Variants in APC2 observed in about 807,000 individuals in gnomAD.
APC2 encodes the protein adenomatous polyposis coli protein 2.
Under a neutral mutation model 72.5 loss-of-function variants are expected in APC2, and 41 were observed. The observed-to-expected ratio is 0.57, with a 90% confidence interval of 0.44 to 0.73. The LOEUF is 0.73. Ranked by LOEUF, APC2 falls within the 30% of genes least tolerant of loss-of-function variation. APC2 has a pLI of 0.00. For missense variants in APC2, 3,729 were observed against 3,403.4 expected (o/e 1.10, Z -2.38); for synonymous variants, 1,898 against 1,612.0 (o/e 1.18, Z -4.25).
Position 1,469,983 on chromosome 19 carries a change from A to G in APC2, c.6682A>G (p.Ser2228Gly), listed in dbSNP as rs1457736785. 6.6e-7 allele frequency: 1 copy of G among 1,526,600 alleles called. No homozygotes were observed. The highest frequency in any genetic ancestry group is 8.8e-7 in the Non-Finnish European group (1 of 1,142,204). The allele number at this position is 1,526,600 out of a possible 1,614,324, so 94.6% of individuals were successfully genotyped here. A position where few individuals can be genotyped will look rare whatever the true frequency, so the allele number is the denominator to read the frequency against. ...PAGGQLSLLG[S>G]DVDGPSLAKA... is the part of the protein sequence containing the mutation. ...CGGCGGCCAGCTCTCCCTCCTCGGC[A>G]GCGACGTGGACGGTCCCAGCCTCGC... Residue 2228 changes from serine (S) to glycine (G), a missense_variant, in exon 15 of 15, where the codon AGC becomes GGC. Transcript: ENST00000590469.
Position 1,469,297 on chromosome 19 carries a change from A to T in APC2, c.5996A>T (p.Lys1999Met). The change falls in exon 15 of 15, where the codon AAG becomes ATG. Residue 1999 changes from lysine (K) to methionine (M), a missense_variant. Lys to Met is a moderately conservative substitution (Grantham distance 95). Coordinates refer to ENST00000590469, the MANE Select transcript of APC2 (RefSeq NM_005883.3). ...TTCCGGCGACAGCTAACCTTCATCA[A>T]GGAGTCGCCGGGCTTGCGGCGCCGC... ...SGFRRQLTFI[K>M]ESPGLRRRRS... 2 of 1,419,132 alleles carry T rather than the reference A, an allele frequency of 1.4e-6. No homozygotes were observed. Among genetic ancestry groups the T allele is most frequent in the Non-Finnish European group, 1.8e-6 (2 of 1,083,564 alleles). 87.9% of individuals were successfully genotyped at this position (1,419,132 alleles called of 1,614,324 possible).
intron 14 of APC2, 79 bp from the exon 15 acceptor site, chr19:1,465,076 G>C: frequency 6.7e-7 from 1 of 1,493,400 alleles, no homozygotes; most frequent in South Asian, 1.3e-5. Flanking sequence ...ACTTTTACCT[G>C]CCACATCTGG....
Position 1,456,416 on chromosome 19 carries a change from G to T in APC2, c.816+12G>T, listed in dbSNP as rs1347500718. On this transcript the variant is annotated intron_variant, in intron 8 of 14. Transcript: ENST00000590469. ...CGGGCAACAGCAAGGTGAGGGGGAG[G>T]GTGAAACGGGGGCTGGCGCAGCTGT... 1.9e-6 allele frequency: 3 copies of T among 1,585,664 alleles called. No homozygotes were observed. Among genetic ancestry groups the T allele is most frequent in the East Asian group, 2.3e-5 (1 of 43,506 alleles).
chr19:1,469,774 T>C lies in APC2; in HGVS notation c.6473T>C (p.Leu2158Pro), dbSNP rs2084100752. 2.7e-6 allele frequency: 4 copies of C among 1,505,064 alleles called. No individual in the cohort carries two copies. Among genetic ancestry groups the C allele is most frequent in the Admixed American group, 2.1e-5 (1 of 47,884 alleles). 93.2% of individuals were successfully genotyped at this position (1,505,064 alleles called of 1,614,324 possible). Reference protein sequence around the residue: ...RIRDEDVPHILRSTLPATALP... With the variant: ...RIRDEDVPHIPRSTLPATALP... ...CGAGATGAGGACGTGCCCCACATCC[T>C]GCGCAGCACGCTTCCCGCCACGGCC... The change falls in exon 15 of 15, where the codon CTG becomes CCG. Residue 2158 changes from leucine to proline, a missense_variant. Coordinates refer to ENST00000590469, the MANE Select transcript of APC2 (RefSeq NM_005883.3).
Position 1,458,052 on chromosome 19 carries a change from A to G in APC2, c.1295A>G (p.Asn432Ser). The G allele has an allele frequency of 6.4e-7, 1 of 1,561,642 alleles. No individual in the cohort carries two copies. The highest frequency in any genetic ancestry group is 2.3e-5 in the East Asian group (1 of 42,752). ...GATGAGGAGTACCGCCGTGCCATGA[A>G]CGAGCTAGGTGAGTGTCCCAGGTCC... ...SFDEEYRRAM[N>S]ELGGLQAVAE... The change falls in exon 10 of 15, where the codon AAC becomes AGC. Residue 432 changes from asparagine to serine, a missense_variant. Asn to Ser is a conservative substitution (Grantham distance 46). Coordinates refer to ENST00000590469, the MANE Select transcript of APC2 (RefSeq NM_005883.3).
chr19:1,465,696 C>A lies in APC2; in HGVS notation c.2395C>A (p.Pro799Thr). 6.3e-7 allele frequency: 1 copy of A among 1,587,958 alleles called. No individual in the cohort carries two copies. Among genetic ancestry groups the A allele is most frequent in the Non-Finnish European group, 8.6e-7 (1 of 1,169,146 alleles). ...CGCGGCCACCGGGGAGCCAGCCAGC[C>A]CTGCCGCGCTGTCCCTCTTCCTGGG... ...AAAATGEPAS[P>T]AALSLFLGSP... The change falls in exon 15 of 15, where the codon CCT (proline) becomes ACT (threonine). Residue 799 changes from proline to threonine, a missense_variant. Transcript: ENST00000590469.
At chr19:1,463,041 C>G (rs1036709019) in intron 14 of APC2, among the ~76,000 whole-genome samples, 1 of 151,798 alleles carries the variant, frequency 6.6e-6, no homozygotes, top group Non-Finnish European at 1.5e-5. Context: ...TTTGGGAGGC[C>G]GAGGTGGGCG....
At chr19:1,464,889 T>C (rs2083981377) in intron 14 of APC2, among the ~76,000 whole-genome samples, 1 of 151,268 alleles carries the variant, frequency 6.6e-6, no homozygotes, top group Non-Finnish European at 1.5e-5. Context: ...CCACTTGGCC[T>C]ACCAAAGTAC....
rs1204940896 is a variant in APC2, at chr19:1,470,280, C to CT, written c.*67_*68insT. 6.8e-7 allele frequency: 1 copy of CT among 1,479,392 alleles called. No individual in the cohort carries two copies. The highest frequency in any genetic ancestry group is 9.0e-7 in the Non-Finnish European group (1 of 1,116,654). The allele number at this position is 1,479,392 out of a possible 1,614,324, so 91.6% of individuals were successfully genotyped here. ...CGGCGCGGTCTGGCTGCCCCATGGG[C>CT]CTGCGCTGTAGACGTCCCCCATAGG... On this transcript the variant is annotated 3_prime_UTR_variant, in exon 15 of 15. Transcript: ENST00000590469.
At position 1,468,134 on chromosome 19, in the gene APC2, C is replaced by T. The variant is rs939171139; in HGVS notation, c.4833C>T (p.Gly1611=). ...GREPAVTKDP[G]PGGGRDSSPS... The stretch of plus-strand genomic sequence containing the variant: ...AGCCCGCGGTCACCAAGGACCCGGG[C>T]CCAGGAGGCGGACGCGACAGCTCGC... Residue 1611 remains glycine, a synonymous_variant, in exon 15 of 15, where the codon GGC becomes GGT. Transcript: ENST00000590469. 2.7e-6 allele frequency: 4 copies of T among 1,498,582 alleles called. No individual in the cohort carries two copies. Among genetic ancestry groups the T allele is most frequent in the African/African-American group, 2.9e-5 (2 of 68,604 alleles). 92.8% of individuals were successfully genotyped at this position (1,498,582 alleles called of 1,614,324 possible).
At position 1,468,992 on chromosome 19, in the gene APC2, T is replaced by C; in HGVS notation, c.5691T>C (p.Ala1897=). ...AGCGCCCCCCGGTCACCCAGGCTGC[T>C]GGGGCCCTGCCCGGCCCCGGAGCCT... ...PRKRPPVTQA[A]GALPGPGASP... Residue 1897 remains alanine, a synonymous_variant, in exon 15 of 15, where the codon GCT becomes GCC. Coordinates refer to ENST00000590469, the MANE Select transcript of APC2 (RefSeq NM_005883.3). The C allele has an allele frequency of 6.4e-7, 1 of 1,559,908 alleles. No homozygotes were observed. The highest frequency in any genetic ancestry group is 2.4e-5 in the East Asian group (1 of 41,292).
Position 1,461,857 on chromosome 19 carries a change from A to C in APC2, c.1639-106A>C, listed in dbSNP as rs559438329. Reference sequence around the variant, plus strand: ...AGAGAGTGAGATTCCGTCTCAAAAAAAAAAAACAAAAAACAAAAAAACCCA... The same window carrying C: ...AGAGAGTGAGATTCCGTCTCAAAAACAAAAAACAAAAAACAAAAAAACCCA... On this transcript the variant is annotated intron_variant, in intron 13 of 14. Transcript: ENST00000590469. 4.7e-4 allele frequency: 478 copies of C among 1,009,774 alleles called. 1 individual carries two copies. Among genetic ancestry groups the C allele is most frequent in the South Asian group, 8.4e-4 (50 of 59,438 alleles). 62.6% of individuals were successfully genotyped at this position (1,009,774 alleles called of 1,614,324 possible).
At position 1,455,370 on chromosome 19, in the gene APC2, C is replaced by T; in HGVS notation, c.523-14C>T. Reference sequence around the variant, plus strand: ...GGCGCCCCTCACCGTGGCCCGCCCGCCTGCCTTTGCCAGCAGTTCTCGATG... The same window carrying T: ...GGCGCCCCTCACCGTGGCCCGCCCGTCTGCCTTTGCCAGCAGTTCTCGATG... On this transcript the variant is annotated splice_polypyrimidine_tract_variant and intron_variant, in intron 5 of 14. Transcript: ENST00000590469. 5 of 1,605,890 alleles carry T rather than the reference C, an allele frequency of 3.1e-6. No homozygotes were observed. The highest frequency in any genetic ancestry group is 4.2e-6 in the Non-Finnish European group (5 of 1,176,706).
intron 10 of APC2, among the ~76,000 whole-genome samples, chr19:1,458,776 G>C (rs577808601): frequency 8.0e-4 from 121 of 152,062 alleles, no homozygotes; most frequent in African/African-American, 2.9e-3. Context: ...GAGTGCAGTG[G>C]TACAATCTCA....
chr19:1,467,765 CG>C lies in APC2; in HGVS notation c.4468del (p.Asp1490ThrfsTer90). 1 of 1,430,808 alleles carries C rather than the reference CG, an allele frequency of 7.0e-7. No individual in the cohort carries two copies. Among genetic ancestry groups the C allele is most frequent in the Non-Finnish European group, 9.1e-7 (1 of 1,098,342 alleles). 88.6% of individuals were successfully genotyped at this position (1,430,808 alleles called of 1,614,324 possible). A position where few individuals can be genotyped will look rare whatever the true frequency, so the allele number is the denominator to read the frequency against. ...ACGGCTCAAAGCCCGGCCGGACCCG[CG>C]GGGACGGGGCGCTCCAGTCGCTGTG... ...KDGSKPGRTRGDGALQSLCLT... is the reference protein window; with the variant it reads ...KDGSKPGRTRXDGALQSLCLT... On this transcript the variant is annotated frameshift_variant, in exon 15 of 15. Coordinates refer to ENST00000590469, the MANE Select transcript of APC2 (RefSeq NM_005883.3). LOFTEE classifies it low-confidence loss of function (END_TRUNC).
chr19:1,453,160 G>A lies in APC2; in HGVS notation c.141+18G>A, dbSNP rs565521837. 2.5e-6 allele frequency: 4 copies of A among 1,591,986 alleles called. No individual in the cohort carries two copies. Among genetic ancestry groups the A allele is most frequent in the East Asian group, 4.6e-5 (2 of 43,816 alleles). ...GCATGAAGGTGGGGGCCTACATGGA[G>A]GAGGTGGGCTAGGGTCCCGGGGTGG... On this transcript the variant is annotated intron_variant, in intron 2 of 14. Coordinates refer to ENST00000590469, the MANE Select transcript of APC2 (RefSeq NM_005883.3).
At chr19:1,464,234 A>G (rs1219655335) in intron 14 of APC2, among the ~76,000 whole-genome samples, 2 of 152,094 alleles carry the variant, frequency 1.3e-5, no homozygotes, top group African/African-American at 4.8e-5. Context: ...GCTTGAACCC[A>G]GGAGGTGGAG....
upstream of APC2, among the ~76,000 whole-genome samples, chr19:1,447,555 C>T (rs910937565): frequency 1.3e-5 from 2 of 151,518 alleles, no homozygotes; most frequent in Non-Finnish European, 2.9e-5. Flanking sequence ...CTCTCAGTCT[C>T]CTGAAGTCCT....
intron 1 of APC2, 117 bp downstream of exon 1, chr19:1,450,455 G>A (rs939751783): frequency 1.2e-6 from 1 of 836,748 alleles, no homozygotes; most frequent in African/African-American, 1.8e-5. Flanking sequence ...TTTCCCCAGA[G>A]TGGGAGCTGG....
Sources: allele counts gnomAD v4.1 joint callset (sites outside exome capture counted in the v4.1 genomes callset), GRCh38; gene constraint gnomAD v4.1.1; transcripts MANE v1.5; gene names NCBI Gene and HGNC (gene_info 2026-07-23, HGNC 2026-07-21).